LRP1B: variants seen among roughly 807,000 people sequenced by gnomAD.
The protein encoded by LRP1B is LDL receptor related protein 1B, also known as low-density lipoprotein receptor-related protein 1B.
A neutral mutation model predicts 556.6 loss-of-function variants in LRP1B; 217 were observed. That is an observed-to-expected ratio of 0.39 (90% confidence interval 0.35 to 0.44). The LOEUF is 0.44. LRP1B is among the 20% of genes least tolerant of loss of function. LRP1B has a pLI of 1.00. For synonymous variants in LRP1B, 2,047 were observed against 1,865.8 expected (o/e 1.10, Z -2.50); for missense variants, 5,053 against 5,620.8 (o/e 0.90, Z 3.23).
intron 62 of LRP1B, among the ~76,000 whole-genome samples, chr2:140,455,930 TA>T: frequency 6.6e-6 from 1 of 152,196 alleles, no homozygotes; most frequent in Non-Finnish European, 1.5e-5. Context: ...TCCATGCAAC[TA>T]CCATACAGTA....
At chr2:142,108,094 G>T (rs1410523643) in intron 1 of LRP1B, among the ~76,000 whole-genome samples, 1 of 150,592 alleles carries the variant, frequency 6.6e-6, no homozygotes, top group Admixed American at 6.6e-5. Context: ...TATCTTAATG[G>T]CTCCAAAAAG....
intron 18 of LRP1B, among the ~76,000 whole-genome samples, chr2:140,960,439 G>A (rs1207539597): frequency 6.6e-6 from 1 of 151,758 alleles, no homozygotes; most frequent in East Asian, 1.9e-4. Flanking sequence ...GCCAGATCCT[G>A]ATTGCAAATG....
chr2:141,611,125 A>T (rs1574138492), intron 2 of LRP1B, among the ~76,000 whole-genome samples: 1 of 152,328 alleles, frequency 6.6e-6, no homozygotes, highest in East Asian at 1.9e-4. Context: ...AGAAATTCAC[A>T]CAGTCCACAT....
chr2:141,327,842 G>A (rs1270517647), intron 3 of LRP1B, among the ~76,000 whole-genome samples: 4 of 150,978 alleles, frequency 2.6e-5, no homozygotes, highest in African/African-American at 9.8e-5. Flanking sequence ...TGGAGCGATT[G>A]AAAGACAGAT....
At chr2:140,856,739 AC>A (rs1692630134) in intron 27 of LRP1B, among the ~76,000 whole-genome samples, 1 of 3,366 alleles carries the variant, frequency 3.0e-4, no homozygotes, top group Non-Finnish European at 2.4e-3. Context: ...TAAGAGAGAT[AC>A]ACACACACAC....
At chr2:140,880,577 G>A (rs1016381828) in intron 25 of LRP1B, among the ~76,000 whole-genome samples, 60 of 151,932 alleles carry the variant, frequency 3.9e-4, no homozygotes, top group African/African-American at 1.1e-3. Flanking sequence ...AAGCAAAGTC[G>A]TCAATTAAAA....
rs202124860 is a variant in LRP1B at position 140,377,078 on chromosome 2, CT to C, written c.10638+1101del. 2.4e-3 allele frequency among the ~76,000 whole-genome samples: 370 copies of C among 152,066 alleles called. 2 individuals are homozygous for C. The highest frequency in any genetic ancestry group is 8.0e-3 in the African/African-American group (334 of 41,498). On this transcript the variant is annotated intron_variant, in intron 68 of 90. Coordinates refer to ENST00000389484, the MANE Select transcript of LRP1B (RefSeq NM_018557.3). Reference sequence around the variant, plus strand: ...CATGGTATACACTGAGGAACAGGATCTTTTTTTGTTGTTGTTGAGGTGGAGT... The same window carrying C: ...CATGGTATACACTGAGGAACAGGATCTTTTTTGTTGTTGTTGAGGTGGAGT...
intron 7 of LRP1B, among the ~76,000 whole-genome samples, chr2:141,145,898 C>A (rs1400624192): frequency 7.0e-6 from 1 of 142,846 alleles, no homozygotes; most frequent in East Asian, 2.1e-4. Context: ...TGTTATTTCA[C>A]GTTTTTCTTT....
chr2:142,012,362 T>TCTTA (rs2105157934), intron 1 of LRP1B, among the ~76,000 whole-genome samples: 1 of 152,170 alleles, frequency 6.6e-6, no homozygotes, highest in Admixed American at 6.5e-5. Context: ...ATATTCTTTA[T>TCTTA]CTTACAAAAT....
intron 84 of LRP1B, among the ~76,000 whole-genome samples, chr2:140,296,750 A>G (rs1290219829): frequency 2.0e-5 from 3 of 152,226 alleles, no homozygotes; most frequent in African/African-American, 7.2e-5. Context: ...AGATTTGATC[A>G]TTATATATGG....
intron 1 of LRP1B, among the ~76,000 whole-genome samples, chr2:142,064,107 A>C (rs1432600097): frequency 6.6e-6 from 1 of 151,602 alleles, no homozygotes; most frequent in Admixed American, 6.6e-5. Context: ...ATTATTATAA[A>C]CTGAAATTTT....
chr2:140,261,443 G>C lies in LRP1B; in HGVS notation c.13247+8799C>G, dbSNP rs562885025. ...ATAATATTTCTAATTCTTAGTGTTA[G>C]TTTCAGAAAATTAATGATATGAGGA... On this transcript the variant is annotated intron_variant, in intron 86 of 90. Transcript: ENST00000389484. Among the ~76,000 whole-genome samples the C allele has an allele frequency of 3.9e-5, 6 of 151,934 alleles. No individual in the cohort carries two copies. The East Asian group carries it at 1.2e-3, about 29-fold the overall frequency.
chr2:142,116,013 G>A (rs1412357911), intron 1 of LRP1B, among the ~76,000 whole-genome samples: 1 of 143,368 alleles, frequency 7.0e-6, no homozygotes, highest in East Asian at 2.1e-4. Flanking sequence ...GGTCAGGAGT[G>A]TGGGAGCAGG....
rs6146938 is a variant in LRP1B, at chr2:140,794,478, AACACACACACAC to A, written c.5360-18252_5360-18241del. 5.3e-4 allele frequency among the ~76,000 whole-genome samples: 79 copies of A among 150,028 alleles called. 1 individual carries two copies. The highest frequency in any genetic ancestry group is 1.9e-3 in the South Asian group (9 of 4,744). ...ACTTGGAGGCATATTAGCTATTTAA[AACACACACACAC>A]ACACACACACACACACACACACACA... On this transcript the variant is annotated intron_variant, in intron 32 of 90. Transcript: ENST00000389484.
rs192160764 is a variant in LRP1B at position 140,879,170 on chromosome 2, A to G, written c.4169+4647T>C. ...TTCTGATGCATCATCTTTTGCCTGT[A>G]TAACAATTGGGAAATTGGTGTCTAC... On this transcript the variant is annotated intron_variant, in intron 25 of 90. Coordinates refer to ENST00000389484, the MANE Select transcript of LRP1B (RefSeq NM_018557.3). Among the ~76,000 whole-genome samples, 278 of 152,272 alleles carry G rather than the reference A, an allele frequency of 1.8e-3. 1 individual carries two copies. Among genetic ancestry groups the G allele is most frequent in the Non-Finnish European group, 3.3e-3 (224 of 68,004 alleles).
At chr2:141,960,425 T>G (rs944696825) in intron 1 of LRP1B, among the ~76,000 whole-genome samples, 1 of 151,870 alleles carries the variant, frequency 6.6e-6, no homozygotes, top group East Asian at 1.9e-4. Flanking sequence ...TCAAATAGCT[T>G]TAATTCTCAG....
chr2:141,233,438 G>T (rs1400718645), intron 5 of LRP1B, among the ~76,000 whole-genome samples: 1 of 152,120 alleles, frequency 6.6e-6, no homozygotes, highest in Non-Finnish European at 1.5e-5. Flanking sequence ...GATCATAAAT[G>T]ATTTGATTTT....
intron 7 of LRP1B, among the ~76,000 whole-genome samples, chr2:141,175,196 T>A (rs190928875): frequency 7.9e-4 from 121 of 152,234 alleles, no homozygotes; most frequent in Non-Finnish European, 1.1e-3. Flanking sequence ...ACATAGAAGT[T>A]TGAAAAATTT....
chr2:140,579,702 C>A (rs901522213), intron 43 of LRP1B, among the ~76,000 whole-genome samples: 4 of 151,964 alleles, frequency 2.6e-5, no homozygotes, highest in Non-Finnish European at 4.4e-5. Flanking sequence ...ATCAGCCGGG[C>A]GTGATAGCAC....
Sources: gnomAD v4.1 joint callset for allele counts (sites outside exome capture counted in the v4.1 genomes callset) on GRCh38, gnomAD v4.1.1 for gene constraint, MANE v1.5 for transcripts, NCBI Gene and HGNC (gene_info 2026-07-23, HGNC 2026-07-21) for gene names.